The following JARID2 variants were observed in gnomAD, a reference collection of about 807,000 sequenced individuals.
JARID2 encodes the protein jumonji and AT-rich interaction domain containing 2, also known as protein Jumonji.
JARID2 carries 21 observed loss-of-function variants against 125.6 expected under a neutral mutation model. That is an observed-to-expected ratio of 0.17 (90% CI 0.12 to 0.24). The LOEUF (loss-of-function observed/expected upper bound fraction) is 0.24. Among genes scored for constraint, JARID2 ranks in the 10% least tolerant of loss-of-function variants. JARID2 has a pLI of 1.00. For synonymous variants in JARID2, 736 were observed against 661.6 expected (o/e 1.11, Z -1.73); for missense variants, 1,303 against 1,639.6 (o/e 0.79, Z 3.55).
In JARID2 at chr6:15,394,348, A is replaced by C. The variant is rs540357116; in HGVS notation, c.182-15876A>C. Among the ~76,000 whole-genome samples, 3 of 152,338 alleles carry C rather than the reference A, an allele frequency of 2.0e-5. No homozygotes were observed. The South Asian group carries it at 6.2e-4, about 32-fold the overall frequency. On this transcript the variant is annotated intron_variant, in intron 2 of 17. Transcript: ENST00000341776. ...ATGAGCAAGGCGAATGCAGTGGCTC[A>C]TGCTCATAATCCCAGCACTTTGTGC... is the stretch of plus-strand genomic sequence containing the variant.
chr6:15,494,060 C>A (rs1017111570), intron 6 of JARID2, among the ~76,000 whole-genome samples: 1 of 152,194 alleles, frequency 6.6e-6, no homozygotes, highest in Non-Finnish European at 1.5e-5. Context: ...GGCCTGAGAT[C>A]TGGCTCTAGG....
chr6:15,402,631 TTGTTC>T (rs1765483239), intron 2 of JARID2, among the ~76,000 whole-genome samples: 1 of 152,314 alleles, frequency 6.6e-6, no homozygotes, highest in South Asian at 2.1e-4. Context: ...AGTGATGCCA[TTGTTC>T]TGCCGCTCAT....
intron 1 of JARID2, among the ~76,000 whole-genome samples, chr6:15,278,930 G>T (rs1452475276): frequency 6.6e-6 from 1 of 152,094 alleles, no homozygotes; most frequent in Admixed American, 6.6e-5. Flanking sequence ...TTAGCTGGGT[G>T]TGGTGGCATA....
At chr6:15,498,385 C>T (rs1032575323) in intron 7 of JARID2, among the ~76,000 whole-genome samples, 12 of 152,178 alleles carry the variant, frequency 7.9e-5, no homozygotes, top group African/African-American at 2.4e-4. Flanking sequence ...CAGGCAGATC[C>T]TCCTCTTGGG....
chr6:15,465,923 C>T (rs1163826773), intron 4 of JARID2, among the ~76,000 whole-genome samples: 1 of 152,074 alleles, frequency 6.6e-6, no homozygotes, highest in African/African-American at 2.4e-5. Flanking sequence ...CCTGTCTCAG[C>T]CTCCCGAGTA....
chr6:15,323,253 A>G (rs16876223), intron 1 of JARID2, among the ~76,000 whole-genome samples: 6,294 of 152,312 alleles, frequency 0.041, 200 homozygotes, highest in African/African-American at 0.088. Context: ...TCCATTAAGC[A>G]TATCTGAACT....
chr6:15,326,654 AC>A (rs1261801791), intron 1 of JARID2, among the ~76,000 whole-genome samples: 1 of 152,188 alleles, frequency 6.6e-6, no homozygotes, highest in Non-Finnish European at 1.5e-5. Context: ...GGTATGTGCC[AC>A]TGCACATGGA....
chr6:15,294,129 G>A (rs966275533), intron 1 of JARID2, among the ~76,000 whole-genome samples: 2 of 152,174 alleles, frequency 1.3e-5, no homozygotes, highest in Non-Finnish European at 2.9e-5. Flanking sequence ...CCTTTTGAAA[G>A]CTTCCAGGAA....
At chr6:15,381,341 C>CAAAAAA (rs11358363) in intron 2 of JARID2, among the ~76,000 whole-genome samples, 6 of 92,962 alleles carry the variant, frequency 6.5e-5, no homozygotes, top group East Asian at 3.2e-4. Flanking sequence ...ACTCCTGTCT[C>CAAAAAA]AAAAAAAAAA....
intron 1 of JARID2, among the ~76,000 whole-genome samples, chr6:15,300,822 T>G (rs1761597968): frequency 6.6e-6 from 1 of 151,646 alleles, no homozygotes; most frequent in South Asian, 2.1e-4. Flanking sequence ...TGTTACAGGA[T>G]GCAGTAACCA....
chr6:15,426,953 A>G (rs1333053629), intron 3 of JARID2, among the ~76,000 whole-genome samples: 1 of 152,202 alleles, frequency 6.6e-6, no homozygotes, highest in African/African-American at 2.4e-5. Context: ...GCACCTTGAT[A>G]TATTTGGAGT....
intron 1 of JARID2, among the ~76,000 whole-genome samples, chr6:15,249,966 A>G (rs1357903431): frequency 6.6e-6 from 1 of 152,212 alleles, no homozygotes; most frequent in Admixed American, 6.5e-5. Flanking sequence ...TGCCGTTTCC[A>G]TCATTCCACT....
intron 4 of JARID2, among the ~76,000 whole-genome samples, chr6:15,457,846 G>T (rs1160700501): frequency 1.3e-5 from 2 of 152,160 alleles, no homozygotes; most frequent in Non-Finnish European, 2.9e-5. Flanking sequence ...TCATTCTGAG[G>T]TTAAAAGCTT....
intron 3 of JARID2, among the ~76,000 whole-genome samples, chr6:15,429,666 G>T (rs1332203622): frequency 6.6e-6 from 1 of 152,148 alleles, no homozygotes; most frequent in East Asian, 1.9e-4. Context: ...CTTGGAGGGG[G>T]TGTATGCACA....
At chr6:15,376,673 A>G (rs1195029076) in intron 2 of JARID2, among the ~76,000 whole-genome samples, 1 of 152,178 alleles carries the variant, frequency 6.6e-6, no homozygotes, top group African/African-American at 2.4e-5. Flanking sequence ...GCATTGAGCT[A>G]TGTTCACACC....
rs141731971 is a variant in JARID2 at position 15,395,329 on chromosome 6, C to G, written c.182-14895C>G. On this transcript the variant is annotated intron_variant, in intron 2 of 17. Coordinates refer to ENST00000341776, the MANE Select transcript of JARID2 (RefSeq NM_004973.4). ...GTGGTGGGGGCACGGAGTTTTTGCT[C>G]TTGTCGCCCAGGCTGGAGTGCAGTG... 5.1e-3 allele frequency among the ~76,000 whole-genome samples: 772 copies of G among 152,190 alleles called. 1 individual carries two copies. Among genetic ancestry groups the G allele is most frequent in the Non-Finnish European group, 9.0e-3 (611 of 67,988 alleles).
At position 15,408,906 on chromosome 6, in the gene JARID2, G is replaced by A. The variant is rs1436203925; in HGVS notation, c.182-1318G>A. Reference sequence around the variant, plus strand: ...GCAGACTCCCAGCATTTTCTTTGGGGGTTTTTGTATGTTTCTATTTCTGTA... The same window carrying A: ...GCAGACTCCCAGCATTTTCTTTGGGAGTTTTTGTATGTTTCTATTTCTGTA... On this transcript the variant is annotated intron_variant, in intron 2 of 17. Coordinates refer to ENST00000341776, the MANE Select transcript of JARID2 (RefSeq NM_004973.4). Among the ~76,000 whole-genome samples, 6 of 151,988 alleles carry A rather than the reference G, an allele frequency of 3.9e-5. No individual in the cohort carries two copies. In the South Asian group the frequency reaches 1.2e-3, roughly 32 times the overall value.
chr6:15,403,352 T>C (rs1438498643), intron 2 of JARID2, among the ~76,000 whole-genome samples: 1 of 152,168 alleles, frequency 6.6e-6, no homozygotes, highest in East Asian at 1.9e-4. Flanking sequence ...GGATTGTTGG[T>C]TAGGATGTAC....
intron 8 of JARID2, among the ~76,000 whole-genome samples, chr6:15,502,641 C>T (rs997758823): frequency 2.0e-5 from 3 of 152,324 alleles, no homozygotes; most frequent in African/African-American, 4.8e-5. Context: ...TGACTCCTGG[C>T]GTTGCTGCTT....
Sources: allele counts gnomAD v4.1 joint callset (sites outside exome capture counted in the v4.1 genomes callset), GRCh38; gene constraint gnomAD v4.1.1; transcripts MANE v1.5; gene names NCBI Gene and HGNC (gene_info 2026-07-23, HGNC 2026-07-21).